The following LINGO2 variants were observed in gnomAD, a reference collection of about 807,000 sequenced individuals.
LINGO2 encodes leucine rich repeat and Ig domain containing 2.
Under a neutral mutation model 30.6 loss-of-function variants are expected in LINGO2, and 14 were observed. The observed-to-expected ratio is 0.46, with a 90% CI of 0.30 to 0.72. The LOEUF is 0.72. Among genes scored for constraint, LINGO2 ranks in the 30% least tolerant of loss-of-function variants. The probability of loss-of-function intolerance (pLI) is 0.07; values close to 1 mark genes in which losing one functional copy is unlikely to be tolerated. For synonymous variants in LINGO2, 317 were observed against 288.5 expected, an observed-to-expected ratio of 1.10 and a Z score of -1.00; for missense variants, 729 against 751.7, an observed-to-expected ratio of 0.97 and a Z score of 0.35.
intron 1 of LINGO2, among the ~76,000 whole-genome samples, chr9:28,576,304 AT>A (rs1823985251): frequency 6.6e-6 from 1 of 152,220 alleles, no homozygotes; most frequent in Admixed American, 6.5e-5. Context: ...AAAGATCAAA[AT>A]TCAAAAATTT....
At chr9:28,385,282 C>A (rs1821533874) in intron 2 of LINGO2, among the ~76,000 whole-genome samples, 1 of 152,130 alleles carries the variant, frequency 6.6e-6, no homozygotes, top group South Asian at 2.1e-4. Context: ...CAGCTCTGCT[C>A]CTTCTGTAAT....
At chr9:28,755,435 A>G in the LINGO2 span, among the ~76,000 whole-genome samples, 2 of 152,132 alleles carry the variant, frequency 1.3e-5, no homozygotes, top group Non-Finnish European at 2.9e-5. Flanking sequence ...GGATTAATGT[A>G]TAAATTAAAA....
intron 1 of LINGO2, among the ~76,000 whole-genome samples, chr9:28,488,335 T>C (rs1326924863): frequency 2.0e-5 from 3 of 152,170 alleles, no homozygotes; most frequent in Non-Finnish European, 1.5e-5. Context: ...CTGAATACTG[T>C]AGCAAAGAAA....
intron 2 of LINGO2, among the ~76,000 whole-genome samples, chr9:28,385,057 G>A (rs1319683519): frequency 6.6e-6 from 1 of 152,068 alleles, no homozygotes; most frequent in Non-Finnish European, 1.5e-5. Context: ...TATTTGTGAT[G>A]TACTAAGCTA....
intron 1 of LINGO2, among the ~76,000 whole-genome samples, chr9:28,558,937 C>T (rs868713737): frequency 6.6e-6 from 1 of 151,834 alleles, no homozygotes; most frequent in Non-Finnish European, 1.5e-5. Context: ...GGAAACCATG[C>T]CCCAAATAAA....
chr9:28,616,355 T>A (rs1826131033), intron 1 of LINGO2, among the ~76,000 whole-genome samples: 1 of 152,102 alleles, frequency 6.6e-6, no homozygotes, highest in African/African-American at 2.4e-5. Flanking sequence ...CTGAATAGAT[T>A]CCCACTTAAT....
rs1439041260 is a variant in LINGO2 at position 28,632,700 on chromosome 9, C to T, written c.-365+37500G>A. Among the ~76,000 whole-genome samples, 3 of 127,102 alleles carry T rather than the reference C, an allele frequency of 2.4e-5. 1 individual carries two copies. Among genetic ancestry groups the T allele is most frequent in the Non-Finnish European group, 1.6e-5 (1 of 61,114 alleles). 83.4% of individuals were successfully genotyped at this position (127,102 alleles called of 152,430 possible). ...TATATAAAAATATATTTATATAGAT[C>T]TATATATTTATATATAGATCTATAT... On this transcript the variant is annotated intron_variant, in intron 1 of 5. Transcript: ENST00000379992.
chr9:28,936,516 G>A, the LINGO2 span, among the ~76,000 whole-genome samples: 2 of 152,258 alleles, frequency 1.3e-5, no homozygotes, highest in East Asian at 3.9e-4. Context: ...TAAAACTGAA[G>A]CCCAGAGAAG....
intron 4 of LINGO2, among the ~76,000 whole-genome samples, chr9:28,193,720 T>A (rs1410467195): frequency 1.3e-5 from 2 of 152,192 alleles, no homozygotes; most frequent in East Asian, 3.9e-4. Flanking sequence ...TCTCAACAGT[T>A]CTGTGGGTCA....
At chr9:28,971,925 CCAGCTTTAGGTTGCT>C in the LINGO2 span, among the ~76,000 whole-genome samples, 16 of 152,310 alleles carry the variant, frequency 1.1e-4, no homozygotes, top group East Asian at 3.1e-3. Flanking sequence ...CACTCCACCC[CCAGCTTTAGGTTGCT>C]CAGACCAGAG....
intron 2 of LINGO2, among the ~76,000 whole-genome samples, chr9:28,395,186 C>G (rs1283478755): frequency 6.6e-6 from 1 of 152,112 alleles, no homozygotes; most frequent in African/African-American, 2.4e-5. Flanking sequence ...CAGAAGAAAG[C>G]CCTTCATACT....
intron 3 of LINGO2, among the ~76,000 whole-genome samples, chr9:28,339,946 C>T (rs770929871): frequency 6.6e-6 from 1 of 152,122 alleles, no homozygotes; most frequent in Non-Finnish European, 1.5e-5. Flanking sequence ...CTTTACTTGC[C>T]TCTAATGATC....
the LINGO2 span, among the ~76,000 whole-genome samples, chr9:28,758,689 G>A: frequency 1.3e-5 from 2 of 152,096 alleles, no homozygotes; most frequent in African/African-American, 4.8e-5. Flanking sequence ...TATTTAGGTA[G>A]AGTACATCTT....
At chr9:29,102,560 T>C in the LINGO2 span, among the ~76,000 whole-genome samples, 2 of 152,176 alleles carry the variant, frequency 1.3e-5, no homozygotes, top group Admixed American at 1.3e-4. Context: ...ATAATGAGGT[T>C]TGAGTTTCAT....
chr9:28,461,210 G>A (rs1045584104), intron 2 of LINGO2, among the ~76,000 whole-genome samples: 5 of 152,058 alleles, frequency 3.3e-5, no homozygotes, highest in South Asian at 2.1e-4. Context: ...ATAATGTTCC[G>A]GATGGGCTTT....
chr9:28,739,683 C>A, the LINGO2 span, among the ~76,000 whole-genome samples: 3 of 151,572 alleles, frequency 2.0e-5, no homozygotes, highest in Non-Finnish European at 4.4e-5. Context: ...TATCTCAGAA[C>A]CTTTATCAAA....
the LINGO2 span, among the ~76,000 whole-genome samples, chr9:28,797,329 C>CATATATATATATATATATATATAT: frequency 1.5e-5 from 1 of 65,928 alleles, no homozygotes; most frequent in Non-Finnish European, 2.7e-5. Context: ...ATCATATATA[C>CATATATATATATATATATATATAT]ATATATATAT....
chr9:28,469,216 A>G (rs1430639194), intron 2 of LINGO2, among the ~76,000 whole-genome samples: 1 of 152,014 alleles, frequency 6.6e-6, no homozygotes, highest in African/African-American at 2.4e-5. Flanking sequence ...CAAAGAAAAG[A>G]ATCAGTGAAC....
intron 4 of LINGO2, among the ~76,000 whole-genome samples, chr9:28,158,367 G>A (rs886836510): frequency 3.9e-5 from 6 of 152,130 alleles, no homozygotes; most frequent in South Asian, 2.1e-4. Flanking sequence ...TGGGTGGGTC[G>A]CAGCCAAACC....
Sources: gnomAD v4.1 joint callset for allele counts (sites outside exome capture counted in the v4.1 genomes callset) on GRCh38, gnomAD v4.1.1 for gene constraint, MANE v1.5 for transcripts, NCBI Gene and HGNC (gene_info 2026-07-23, HGNC 2026-07-21) for gene names.